PSTPIP2: variants seen among roughly 807,000 people sequenced by gnomAD.
PSTPIP2 encodes the protein proline-serine-threonine phosphatase interacting protein 2, also known as proline-serine-threonine phosphatase-interacting protein 2.
In PSTPIP2, 33 loss-of-function variants were observed where a neutral mutation model predicts 63.3. The observed-to-expected ratio is 0.52, with a 90% CI of 0.40 to 0.70. PSTPIP2 has a LOEUF of 0.70. PSTPIP2 is among the 30% of genes least tolerant of loss of function. PSTPIP2 has a pLI of 0.00. For synonymous variants in PSTPIP2, 125 were observed against 132.7 expected, an observed-to-expected ratio of 0.94 and a Z score of 0.40; for missense variants, 312 against 400.7, an observed-to-expected ratio of 0.78 and a Z score of 1.89.
intron 1 of PSTPIP2, among the ~76,000 whole-genome samples, chr18:46,070,650 T>A (rs1334846847): frequency 6.6e-6 from 1 of 151,794 alleles, no homozygotes; most frequent in East Asian, 1.9e-4. Context: ...AGTAACTATA[T>A]CTACAGGCAT....
chr18:46,065,159 A>G (rs1361102861), intron 1 of PSTPIP2, among the ~76,000 whole-genome samples: 43 of 150,930 alleles, frequency 2.8e-4, no homozygotes, highest in African/African-American at 9.9e-4. Context: ...AAAAAAAAAA[A>G]AAAAAGAAAA....
At chr18:46,022,019 A>G (rs189702943) in intron 3 of PSTPIP2, among the ~76,000 whole-genome samples, 3 of 152,262 alleles carry the variant, frequency 2.0e-5, no homozygotes, top group Admixed American at 1.3e-4. Flanking sequence ...AAATATGAGT[A>G]ACTGTAAAAT....
intron 2 of PSTPIP2, among the ~76,000 whole-genome samples, chr18:46,030,009 G>A (rs1489081310): frequency 1.3e-5 from 2 of 152,200 alleles, no homozygotes; most frequent in East Asian, 3.8e-4. Flanking sequence ...AGCTACTTGG[G>A]AGGCTGAGGC....
intron 2 of PSTPIP2, among the ~76,000 whole-genome samples, chr18:46,032,932 C>T (rs774790173): frequency 6.6e-6 from 1 of 152,132 alleles, no homozygotes; most frequent in Non-Finnish European, 1.5e-5. Flanking sequence ...AAGATGAAAT[C>T]CTTTTGCCAT....
At chr18:46,034,486 A>T (rs188062077) in intron 2 of PSTPIP2, among the ~76,000 whole-genome samples, 130 of 152,338 alleles carry the variant, frequency 8.5e-4, no homozygotes, top group East Asian at 3.9e-3. Flanking sequence ...CAAGTCATTT[A>T]AAGCCCACTA....
At position 46,044,747 on chromosome 18, in the gene PSTPIP2, G is replaced by A. The variant is rs937116647; in HGVS notation, c.34-4700C>T. Among the ~76,000 whole-genome samples the A allele has an allele frequency of 5.3e-5, 8 of 152,154 alleles. No individual in the cohort carries two copies. In the East Asian group the frequency reaches 7.7e-4, roughly 15 times the overall value. ...ACCTACAAAATGGGAGAAAATTTTC[G>A]CAACCTACCCATCTGACAAAGGGCT... On this transcript the variant is annotated intron_variant, in intron 1 of 14. Transcript: ENST00000409746.
intron 1 of PSTPIP2, among the ~76,000 whole-genome samples, chr18:46,043,865 G>GA: frequency 6.6e-6 from 1 of 151,578 alleles, no homozygotes; most frequent in East Asian, 1.9e-4. Flanking sequence ...AAAAAGGAAA[G>GA]AAAAAAATGT....
chr18:46,013,636 A>G (rs114737929), intron 4 of PSTPIP2, among the ~76,000 whole-genome samples: 45 of 152,210 alleles, frequency 3.0e-4, no homozygotes, highest in African/African-American at 8.2e-4. Flanking sequence ...ACCAAAGGCC[A>G]CAAAGTGGAA....
intron 1 of PSTPIP2, among the ~76,000 whole-genome samples, chr18:46,058,613 C>A (rs4550555): frequency 0.13 from 20,249 of 152,114 alleles, 1,751 homozygotes; most frequent in East Asian, 0.4. Context: ...CCCACCTTGG[C>A]CTCCCAAAAT....
chr18:46,011,459 C>T (rs1185002500), intron 4 of PSTPIP2, among the ~76,000 whole-genome samples, 172 bp from the exon 5 acceptor site: 1 of 152,138 alleles, frequency 6.6e-6, no homozygotes, highest in Non-Finnish European at 1.5e-5. Context: ...CCAGCATAGC[C>T]CTGGCCACCA....
At chr18:46,033,333 C>T (rs929521885) in intron 2 of PSTPIP2, among the ~76,000 whole-genome samples, 14 of 152,266 alleles carry the variant, frequency 9.2e-5, no homozygotes, top group East Asian at 1.9e-4. Flanking sequence ...TCATTGCAGA[C>T]GTAATTGTTG....
At chr18:46,025,918 C>A (rs778924455) in intron 2 of PSTPIP2, among the ~76,000 whole-genome samples, 20 of 152,240 alleles carry the variant, frequency 1.3e-4, no homozygotes, top group Non-Finnish European at 2.4e-4. Context: ...CCATGCCGAG[C>A]TAATTTTTGT....
chr18:45,996,626 A>T (rs909029228), intron 9 of PSTPIP2, among the ~76,000 whole-genome samples: 91 of 143,152 alleles, frequency 6.4e-4, no homozygotes, highest in Admixed American at 6.2e-3. Context: ...TGAGGAGAGT[A>T]AAAAAAAAAA....
Position 46,072,061 on chromosome 18 carries a change from C to T in PSTPIP2, c.33+95G>A, listed in dbSNP as rs114538737. The T allele has an allele frequency of 1.1e-5, 16 of 1,415,734 alleles. No homozygotes were observed. In the South Asian group the frequency reaches 2.0e-4, roughly 18 times the overall value. 87.7% of individuals were successfully genotyped at this position (1,415,734 alleles called of 1,614,324 possible). A position where few individuals can be genotyped will look rare whatever the true frequency, so the allele number is the denominator to read the frequency against. On this transcript the variant is annotated intron_variant, in intron 1 of 14. Coordinates refer to ENST00000409746, the MANE Select transcript of PSTPIP2 (RefSeq NM_024430.4). ...CCCCGGGCGCGCGGTCACCGAGTGG[C>T]GCCGGAGCTGGGGAGCCCCCCACGC...
intron 9 of PSTPIP2, chr18:45,993,916 G>T (rs2051564713): frequency 1.9e-6 from 1 of 532,750 alleles, no homozygotes; most frequent in Non-Finnish European, 3.4e-6. Flanking sequence ...AAACAGGCTT[G>T]GAAATAGTTC....
intron 1 of PSTPIP2, among the ~76,000 whole-genome samples, chr18:46,060,003 A>C (rs1031578348): frequency 2.0e-5 from 3 of 152,208 alleles, no homozygotes; most frequent in Non-Finnish European, 4.4e-5. Context: ...TGTACTCCAG[A>C]CTGGGCAACA....
At chr18:46,049,700 C>T (rs554347929) in intron 1 of PSTPIP2, among the ~76,000 whole-genome samples, 23 of 152,062 alleles carry the variant, frequency 1.5e-4, no homozygotes, top group African/African-American at 5.1e-4. Context: ...GCCAACATGG[C>T]GAAACCCCGT....
At chr18:46,007,024 T>C (rs2144077621) in intron 5 of PSTPIP2, among the ~76,000 whole-genome samples, 1 of 152,340 alleles carries the variant, frequency 6.6e-6, no homozygotes, top group Middle Eastern at 3.4e-3. Flanking sequence ...ATTGTCATTA[T>C]CCTTATGATA....
chr18:46,038,403 G>T (rs1471482190), intron 2 of PSTPIP2, among the ~76,000 whole-genome samples: 1 of 152,138 alleles, frequency 6.6e-6, no homozygotes, highest in Non-Finnish European at 1.5e-5. Context: ...GTCAGTGCCT[G>T]GGGTCCTGAG....
Sources: allele counts gnomAD v4.1 joint callset (sites outside exome capture counted in the v4.1 genomes callset), GRCh38; gene constraint gnomAD v4.1.1; transcripts MANE v1.5; gene names NCBI Gene and HGNC (gene_info 2026-07-23, HGNC 2026-07-21).